Variants in MELTF observed in about 807,000 individuals in gnomAD.
The protein encoded by MELTF is antigen p97 (melanoma associated) identified by monoclonal antibodies 133.2 and 96.5.
In MELTF, 67 loss-of-function variants were observed where a neutral mutation model predicts 83.7. The observed-to-expected ratio is 0.80, with a 90% CI of 0.66 to 0.98. The LOEUF is 0.98. Among genes scored for constraint, MELTF ranks in the 50% least tolerant of loss-of-function variants. The probability of loss-of-function intolerance (pLI) is 0.00; values close to 1 mark genes in which losing one functional copy is unlikely to be tolerated. For synonymous variants in MELTF, 462 were observed against 447.6 expected (o/e 1.03, Z -0.41); for missense variants, 1,002 against 1,035.6 (o/e 0.97, Z 0.44).
rs1420879633 is a variant in MELTF at position 197,029,265 on chromosome 3, C to T, written c.49+389G>A. 1 of 181,578 alleles carries T rather than the reference C, an allele frequency of 5.5e-6. No homozygotes were observed. The highest frequency in any genetic ancestry group is 1.1e-5 in the Non-Finnish European group (1 of 87,684). 11.2% of individuals were successfully genotyped at this position (181,578 alleles called of 1,614,324 possible). On this transcript the variant is annotated intron_variant, in intron 1 of 15. Transcript: ENST00000296350. This position sits in a 1 kb window ranked among gnomAD's most constrained non-coding sequence, Gnocchi z 6.5. ...CGCCTGCCGGTCAGTCCCTCTGAAT[C>T]TTCTCCCGCGGGGGCTCGGGAGAAA...
chr3:197,029,430 G>A lies in MELTF; in HGVS notation c.49+224C>T. The A allele has an allele frequency of 2.6e-6, 1 of 392,028 alleles. No homozygotes were observed. Among genetic ancestry groups the A allele is most frequent in the Non-Finnish European group, 4.5e-6 (1 of 223,458 alleles). 24.3% of individuals were successfully genotyped at this position (392,028 alleles called of 1,614,324 possible). On this transcript the variant is annotated intron_variant, in intron 1 of 15. Transcript: ENST00000296350. This position sits in a 1 kb window ranked among gnomAD's most constrained non-coding sequence, Gnocchi z 6.5. ...TTCTCCTTGGAGCGTCGGAAGCCTC[G>A]GGTGTTCGAGGCCGCCTCCTCCAAG...
rs755988720 is a variant in MELTF, at chr3:197,029,744, C to T, written c.-42G>A. The stretch of plus-strand genomic sequence containing the variant: ...GCTGGGGCCGGGCTGGGGCTGGGTC[C>T]GGGTCCGAGGAGGTCCGCAGCAGCC... On this transcript the variant is annotated 5_prime_UTR_variant, in exon 1 of 16. Coordinates refer to ENST00000296350, the MANE Select transcript of MELTF (RefSeq NM_005929.6). This position sits in a 1 kb window ranked among gnomAD's most constrained non-coding sequence, Gnocchi z 6.5. 1.6e-6 allele frequency: 2 copies of T among 1,217,680 alleles called. No homozygotes were observed. The highest frequency in any genetic ancestry group is 1.0e-6 in the Non-Finnish European group (1 of 975,444). 75.4% of individuals were successfully genotyped at this position (1,217,680 alleles called of 1,614,324 possible). A position where few individuals can be genotyped will look rare whatever the true frequency, so the allele number is the denominator to read the frequency against.
chr3:197,014,383 G>GGTTTTTTT (rs747329235), intron 9 of MELTF, among the ~76,000 whole-genome samples: 1 of 101,058 alleles, frequency 9.9e-6, no homozygotes, highest in African/African-American at 4.1e-5. Context: ...AATAGGGAGA[G>GGTTTTTTT]TTTTTTTTTT....
rs993951893 is a variant in MELTF, at chr3:197,003,435, C to T, written c.2154G>A (p.Gly718=). The change falls in exon 16 of 16, where the codon GGG becomes GGA. Residue 718 remains glycine, a synonymous_variant. Transcript: ENST00000296350. The surrounding 1 kb of genome is among the most constrained non-coding windows in gnomAD (Gnocchi z 6.2). ...GCAGCAGCAGCGGGAGCAGGGGCGC[C>T]CCGGGCGCCGGGGCCGCTGGGGACG... ...QCSGAAAPAP[G]APLLPLLLPA... is the part of the protein sequence containing the mutation. The T allele has an allele frequency of 1.5e-5, 17 of 1,099,644 alleles. No individual in the cohort carries two copies. In the African/African-American group the frequency reaches 2.7e-4, roughly 17 times the overall value. The allele number at this position is 1,099,644 out of a possible 1,614,324, so 68.1% of individuals were successfully genotyped here.
chr3:197,019,347 G>C (rs1719527373), intron 6 of MELTF: 2 of 1,162,950 alleles, frequency 1.7e-6, no homozygotes, highest in Non-Finnish European at 2.1e-6. Flanking sequence ...TCACTTCCCT[G>C]CTTTAGACAT....
In MELTF at chr3:197,007,082, C is replaced by A. The variant is rs1719009087; in HGVS notation, c.1751-346G>T. Among the ~76,000 whole-genome samples the A allele has an allele frequency of 6.6e-6, 1 of 152,140 alleles. No individual in the cohort carries two copies. Among genetic ancestry groups the A allele is most frequent in the Non-Finnish European group, 1.5e-5 (1 of 68,028 alleles). On this transcript the variant is annotated intron_variant, in intron 13 of 15. Transcript: ENST00000296350. This position sits in a 1 kb window ranked among gnomAD's most constrained non-coding sequence, Gnocchi z 4.3. ...GAGGAAACTGAGGCTGTTAATCACT[C>A]CCAGGCAGAGAACCCCATCTATGTG...
In MELTF at chr3:197,009,827, A is replaced by C; in HGVS notation, c.1331-15T>G. 1.2e-6 allele frequency: 2 copies of C among 1,601,072 alleles called. No homozygotes were observed. Among genetic ancestry groups the C allele is most frequent in the Non-Finnish European group, 1.7e-6 (2 of 1,170,460 alleles). ...GCTGTCTTCCGCTGGGGAGAGAGGG[A>C]CTCACGTGAGGGGCCCCTCATCTGA... On this transcript the variant is annotated splice_polypyrimidine_tract_variant and intron_variant, in intron 10 of 15. Transcript: ENST00000296350.
At position 197,006,661 on chromosome 3, in the gene MELTF, G is replaced by T. The variant is rs1475649028; in HGVS notation, c.1826C>A (p.Ala609Asp). Residue 609 changes from alanine to aspartate, a missense_variant, in exon 14 of 16, where the codon GCC becomes GAC. Transcript: ENST00000296350. This position sits in a 1 kb window ranked among gnomAD's most constrained non-coding sequence, Gnocchi z 5.4. Reference protein sequence around the residue: ...YELLCPNGARAEVSQFAACNL... With the variant: ...YELLCPNGARDEVSQFAACNL... ...GCAGGCTGCAAACTGGGACACCTCG[G>T]CTCGGGCCCCGTTGGGGCACAGCAG... 1 of 1,603,476 alleles carries T rather than the reference G, an allele frequency of 6.2e-7. No individual in the cohort carries two copies. The highest frequency in any genetic ancestry group is 1.7e-5 in the Admixed American group (1 of 58,860).
At chr3:197,017,049 A>G (rs1460625903) in intron 7 of MELTF, 54 bp downstream of exon 7, 3 of 1,575,240 alleles carry the variant, frequency 1.9e-6, no homozygotes, top group Non-Finnish European at 2.6e-6. Flanking sequence ...AGCGACCACA[A>G]GGCCCGGCAC....
chr3:197,013,642 T>C (rs1351781759), intron 9 of MELTF, among the ~76,000 whole-genome samples: 2 of 152,122 alleles, frequency 1.3e-5, no homozygotes, highest in African/African-American at 4.8e-5. Context: ...GGGATTAATA[T>C]CCAGAATACA....
Position 197,022,955 on chromosome 3 carries a change from A to C in MELTF, c.644+2T>G. 1.2e-6 allele frequency: 2 copies of C among 1,603,984 alleles called. No homozygotes were observed. Among genetic ancestry groups the C allele is most frequent in the Non-Finnish European group, 1.7e-6 (2 of 1,176,272 alleles). On this transcript the variant is annotated splice_donor_variant, in intron 5 of 15. Transcript: ENST00000296350. LOFTEE classifies it high-confidence loss of function. The surrounding 1 kb of genome is among the most constrained non-coding windows in gnomAD (Gnocchi z 5.1). ...GCCCCTCCCTGCCCCCACTCCGCTC[A>C]CCGGAAGGCCCCGCTGTAGTCGTAG... is the stretch of plus-strand genomic sequence containing the variant.
At position 197,008,572 on chromosome 3, in the gene MELTF, C is replaced by T; in HGVS notation, c.1750+85G>A. On this transcript the variant is annotated intron_variant, in intron 13 of 15. Transcript: ENST00000296350. The surrounding 1 kb of genome is among the most constrained non-coding windows in gnomAD (Gnocchi z 5.4). The stretch of plus-strand genomic sequence containing the variant: ...GCCTCTCTGAGCTGCTGCTTGGCCC[C>T]AGCCCAGCATGGTGTCTGGATGGTG... The T allele has an allele frequency of 1.4e-6, 2 of 1,456,976 alleles. No homozygotes were observed. The highest frequency in any genetic ancestry group is 1.9e-6 in the Non-Finnish European group (2 of 1,060,850). The allele number at this position is 1,456,976 out of a possible 1,614,324, so 90.3% of individuals were successfully genotyped here.
intron 4 of MELTF, chr3:197,023,724 G>GA (rs1553848413): frequency 1.1e-5 from 4 of 357,782 alleles, no homozygotes; most frequent in Non-Finnish European, 2.2e-5. Flanking sequence ...CCTCTTCCTG[G>GA]TTTTTTTTTT....
intron 6 of MELTF, among the ~76,000 whole-genome samples, chr3:197,017,950 G>A (rs951536086): frequency 7.2e-5 from 11 of 152,196 alleles, no homozygotes; most frequent in Admixed American, 6.5e-4. Flanking sequence ...GCTGCCATGA[G>A]GCACTGCGTT....
Position 197,028,277 on chromosome 3 carries a change from C to T in MELTF, c.50-367G>A, listed in dbSNP as rs143034592. The T allele has an allele frequency of 2.5e-3, 522 of 210,258 alleles. 4 individuals carry two copies. Among genetic ancestry groups the T allele is most frequent in the African/African-American group, 8.4e-3 (377 of 44,646 alleles). The allele number at this position is 210,258 out of a possible 1,614,324, so 13.0% of individuals were successfully genotyped here. A position where few individuals can be genotyped will look rare whatever the true frequency, so the allele number is the denominator to read the frequency against. On this transcript the variant is annotated intron_variant, in intron 1 of 15. Transcript: ENST00000296350. ...AGCTTCTTCCCCTCTCCAGGCCTCC[C>T]GAAGAGGGTGCTCGTGTAGGTTCCC...
chr3:197,017,716 A>G (rs1719445530), intron 6 of MELTF, among the ~76,000 whole-genome samples: 1 of 152,106 alleles, frequency 6.6e-6, no homozygotes, highest in Non-Finnish European at 1.5e-5. Flanking sequence ...TCTCTACTAA[A>G]AATACAAAAA....
At position 197,008,063 on chromosome 3, in the gene MELTF, A is replaced by G. The variant is rs1012535685; in HGVS notation, c.1750+594T>C. Among the ~76,000 whole-genome samples the G allele has an allele frequency of 3.3e-5, 5 of 152,206 alleles. No homozygotes were observed. The highest frequency in any genetic ancestry group is 4.8e-5 in the African/African-American group (2 of 41,456). Reference sequence around the variant, plus strand: ...GAGAACAAGAAGAAGGGGAAGTGATATAAGTCAGGGGAGCGTGTGCTCTGA... The same window carrying G: ...GAGAACAAGAAGAAGGGGAAGTGATGTAAGTCAGGGGAGCGTGTGCTCTGA... On this transcript the variant is annotated intron_variant, in intron 13 of 15. Coordinates refer to ENST00000296350, the MANE Select transcript of MELTF (RefSeq NM_005929.6). This position sits in a 1 kb window ranked among gnomAD's most constrained non-coding sequence, Gnocchi z 5.4.
At position 197,006,786 on chromosome 3, in the gene MELTF, A is replaced by AGT; in HGVS notation, c.1751-52_1751-51dup. On this transcript the variant is annotated intron_variant, in intron 13 of 15. Coordinates refer to ENST00000296350, the MANE Select transcript of MELTF (RefSeq NM_005929.6). This position sits in a 1 kb window ranked among gnomAD's most constrained non-coding sequence, Gnocchi z 5.4. ...TGGGGACGTTCCGGGAGTGGAGAGA[A>AGT]GTGTAAAGAGAAGCTGCTATCCTGG... 7.0e-7 allele frequency: 1 copy of AGT among 1,437,188 alleles called. No individual in the cohort carries two copies. The highest frequency in any genetic ancestry group is 9.2e-7 in the Non-Finnish European group (1 of 1,092,700). 89.0% of individuals were successfully genotyped at this position (1,437,188 alleles called of 1,614,324 possible).
At position 197,022,386 on chromosome 3, in the gene MELTF, T is replaced by C. The variant is rs1719658671; in HGVS notation, c.644+571A>G. Among the ~76,000 whole-genome samples, 1 of 152,144 alleles carries C rather than the reference T, an allele frequency of 6.6e-6. No individual in the cohort carries two copies. Among genetic ancestry groups the C allele is most frequent in the African/African-American group, 2.4e-5 (1 of 41,436 alleles). On this transcript the variant is annotated intron_variant, in intron 5 of 15. Transcript: ENST00000296350. This position sits in a 1 kb window ranked among gnomAD's most constrained non-coding sequence, Gnocchi z 5.1. ...TCTTCTCTCTAAGCCGAAAACCGCA[T>C]CCAGTCAGATAACATCTGGAGTGTG...
Sources: gnomAD v4.1 joint callset for allele counts (sites outside exome capture counted in the v4.1 genomes callset) on GRCh38, gnomAD v4.1.1 for gene constraint, Gnocchi (gnomAD v3.1) non-coding constraint, MANE v1.5 for transcripts, NCBI Gene and HGNC (gene_info 2026-07-23, HGNC 2026-07-21) for gene names.